Variants in CHCHD6 observed in about 807,000 individuals in gnomAD.
CHCHD6 encodes the protein MICOS complex subunit MIC25.
A neutral mutation model predicts 32.3 loss-of-function variants in CHCHD6; 28 were observed. The observed-to-expected ratio is 0.87, with a 90% CI of 0.64 to 1.19. The LOEUF is 1.19. CHCHD6 is among the 50% of genes most tolerant of loss of function. CHCHD6 has a pLI of 0.00. For missense variants in CHCHD6, 333 were observed against 307.0 expected (o/e 1.08, Z -0.63); for synonymous variants, 122 against 117.5 (o/e 1.04, Z -0.25).
intron 4 of CHCHD6, among the ~76,000 whole-genome samples, chr3:126,820,297 G>A (rs1214358425): frequency 6.6e-6 from 1 of 152,178 alleles, no homozygotes; most frequent in African/African-American, 2.4e-5. Flanking sequence ...TGTAATCACA[G>A]CCTCTTTACA....
At chr3:126,712,620 T>A (rs900956981) in intron 1 of CHCHD6, among the ~76,000 whole-genome samples, 4 of 152,168 alleles carry the variant, frequency 2.6e-5, no homozygotes, top group Admixed American at 6.5e-5. Flanking sequence ...TCGCTCCTGC[T>A]CTCCGCAGTG....
chr3:126,853,862 A>G (rs1242547660), intron 5 of CHCHD6, among the ~76,000 whole-genome samples: 1 of 152,082 alleles, frequency 6.6e-6, no homozygotes, highest in Non-Finnish European at 1.5e-5. Flanking sequence ...GAGATCCCAG[A>G]AAAGGGTAAA....
intron 5 of CHCHD6, among the ~76,000 whole-genome samples, chr3:126,855,421 G>T (rs867038537): frequency 1.3e-5 from 2 of 152,192 alleles, no homozygotes; most frequent in Admixed American, 6.5e-5. Context: ...GTGTTGGTGC[G>T]TGCTGGGCGC....
intron 4 of CHCHD6, among the ~76,000 whole-genome samples, chr3:126,825,143 C>T (rs2107538689): frequency 6.6e-6 from 1 of 151,950 alleles, no homozygotes; most frequent in East Asian, 1.9e-4. Flanking sequence ...ATTTTCTAAT[C>T]TATTTTGATT....
intron 6 of CHCHD6, among the ~76,000 whole-genome samples, chr3:126,927,388 A>G (rs1337346488): frequency 1.3e-5 from 2 of 152,180 alleles, no homozygotes; most frequent in Non-Finnish European, 2.9e-5. Flanking sequence ...TGGGCTCAGC[A>G]CAGTCCTGTT....
intron 6 of CHCHD6, chr3:126,935,248 G>A (rs1332037316): frequency 2.9e-5 from 21 of 721,900 alleles, no homozygotes; most frequent in Non-Finnish European, 3.4e-5. Context: ...TCCCAGATGT[G>A]GTGTTCCCTT....
chr3:126,750,885 ACAT>A (rs1263982998), intron 4 of CHCHD6, among the ~76,000 whole-genome samples: 3 of 152,240 alleles, frequency 2.0e-5, no homozygotes, highest in Non-Finnish European at 4.4e-5. Flanking sequence ...CCAGGAACTG[ACAT>A]CATGGCTATG....
At chr3:126,746,381 A>G (rs1936504532) in intron 4 of CHCHD6, among the ~76,000 whole-genome samples, 1 of 152,102 alleles carries the variant, frequency 6.6e-6, no homozygotes. Flanking sequence ...CTTCCCTAAC[A>G]CATACAGCCT....
intron 4 of CHCHD6, among the ~76,000 whole-genome samples, chr3:126,755,747 G>A (rs1345610340): frequency 6.6e-6 from 1 of 152,038 alleles, no homozygotes; most frequent in African/African-American, 2.4e-5. Flanking sequence ...GTATGAGATG[G>A]GAATGAAGTC....
chr3:126,939,252 ATTTTGATGC>A, intron 6 of CHCHD6, among the ~76,000 whole-genome samples: 1 of 152,088 alleles, frequency 6.6e-6, no homozygotes, highest in African/African-American at 2.4e-5. Flanking sequence ...TTTGGGCTTT[ATTTTGATGC>A]CTTGGGAAGC....
intron 4 of CHCHD6, among the ~76,000 whole-genome samples, chr3:126,787,078 G>A (rs1252146213): frequency 6.6e-6 from 1 of 152,164 alleles, no homozygotes; most frequent in Non-Finnish European, 1.5e-5. Flanking sequence ...TTGTTAAATA[G>A]GGAATCCTTT....
chr3:126,763,814 G>A (rs1352016592), intron 4 of CHCHD6, among the ~76,000 whole-genome samples: 1 of 152,180 alleles, frequency 6.6e-6, no homozygotes, highest in African/African-American at 2.4e-5. Flanking sequence ...CTATGGGAGA[G>A]GAAGTTGAGG....
chr3:126,796,973 C>T (rs974254879), intron 4 of CHCHD6, among the ~76,000 whole-genome samples: 6 of 152,202 alleles, frequency 3.9e-5, no homozygotes, highest in Admixed American at 1.3e-4. Flanking sequence ...GCTGGCCCAC[C>T]AGTGGCTTTT....
chr3:126,811,319 C>G (rs1939644766), intron 4 of CHCHD6, among the ~76,000 whole-genome samples: 1 of 152,202 alleles, frequency 6.6e-6, no homozygotes. Context: ...GGGGTCACTT[C>G]AGCTTCAGCT....
intron 7 of CHCHD6, chr3:126,958,016 T>C: frequency 7.4e-6 from 2 of 269,136 alleles, no homozygotes; most frequent in South Asian, 8.9e-5. Context: ...TGCCCTGAGC[T>C]GGTCTACAGG....
chr3:126,950,662 G>C (rs375405753), intron 6 of CHCHD6, among the ~76,000 whole-genome samples: 66 of 152,290 alleles, frequency 4.3e-4, no homozygotes, highest in African/African-American at 1.4e-3. Flanking sequence ...TGCTGGCCAG[G>C]TGGGTCTTGA....
intron 1 of CHCHD6, among the ~76,000 whole-genome samples, chr3:126,716,683 C>G (rs1370311997): frequency 2.0e-5 from 3 of 152,116 alleles, no homozygotes; most frequent in Non-Finnish European, 4.4e-5. Context: ...CATGGAATCC[C>G]TGCGCCTGTG....
chr3:126,933,948 C>G (rs906529166), intron 6 of CHCHD6, among the ~76,000 whole-genome samples: 1 of 152,204 alleles, frequency 6.6e-6, no homozygotes, highest in Admixed American at 6.5e-5. Context: ...TGCATTCATG[C>G]ACTCTCACAC....
intron 6 of CHCHD6, among the ~76,000 whole-genome samples, chr3:126,944,899 C>T (rs1277690708): frequency 1.3e-5 from 2 of 152,178 alleles, no homozygotes; most frequent in South Asian, 2.1e-4. Context: ...CGGAATGCCT[C>T]GCTGTGGAGT....
Sources: gnomAD v4.1 joint callset for allele counts (sites outside exome capture counted in the v4.1 genomes callset) on GRCh38, gnomAD v4.1.1 for gene constraint, MANE v1.5 for transcripts, NCBI Gene and HGNC (gene_info 2026-07-23, HGNC 2026-07-21) for gene names.